ST7: variants seen among roughly 807,000 people sequenced by gnomAD.
The protein encoded by ST7 is suppressor of tumorigenicity 7 protein.
A neutral mutation model predicts 78.7 loss-of-function variants in ST7; 28 were observed. The ratio of observed to expected loss-of-function variants is 0.36; its 90% CI spans 0.26 to 0.49. The LOEUF is 0.49. Ranked by LOEUF, ST7 falls within the 20% of genes least tolerant of loss-of-function variation. The pLI is 0.99. For synonymous variants in ST7, 247 were observed against 249.6 expected (o/e 0.99, Z 0.10); for missense variants, 418 against 696.0 (o/e 0.60, Z 4.49).
intron 1 of ST7, among the ~76,000 whole-genome samples, chr7:117,074,449 C>G (rs961477280): frequency 6.6e-6 from 1 of 152,088 alleles, no homozygotes; most frequent in Non-Finnish European, 1.5e-5. Flanking sequence ...TTTTCCCCCT[C>G]ATAGAGAGTG....
At chr7:117,194,575 G>T (rs943824766) in intron 12 of ST7, among the ~76,000 whole-genome samples, 3 of 152,184 alleles carry the variant, frequency 2.0e-5, no homozygotes, top group Admixed American at 6.6e-5. Flanking sequence ...GAGAACAAAA[G>T]AAGACAAAGA....
intron 1 of ST7, among the ~76,000 whole-genome samples, chr7:116,974,329 C>T (rs1268836330): frequency 6.6e-6 from 1 of 151,670 alleles, no homozygotes; most frequent in Admixed American, 6.6e-5. Flanking sequence ...ACTGTGTCGC[C>T]CAGGCTGGAG....
At chr7:117,093,359 T>C (rs1800775358) in intron 1 of ST7, among the ~76,000 whole-genome samples, 1 of 152,184 alleles carries the variant, frequency 6.6e-6, no homozygotes, top group African/African-American at 2.4e-5. Flanking sequence ...TGTTAACATT[T>C]ACACATTCAG....
At chr7:117,105,039 T>A (rs1354775672) in intron 2 of ST7, among the ~76,000 whole-genome samples, 2 of 152,164 alleles carry the variant, frequency 1.3e-5, no homozygotes, top group African/African-American at 4.8e-5. Flanking sequence ...TTGAGGGTAA[T>A]ACATGATTAC....
At chr7:117,031,734 A>G (rs13235850) in intron 1 of ST7, among the ~76,000 whole-genome samples, 44 of 172 alleles carry the variant, frequency 0.26, 21 homozygotes, top group African/African-American at 0.31. Context: ...ATATATATGC[A>G]TATATGTGTA....
chr7:117,051,515 G>A (rs889457617), intron 1 of ST7, among the ~76,000 whole-genome samples: 3 of 152,332 alleles, frequency 2.0e-5, no homozygotes, highest in Admixed American at 6.5e-5. Context: ...CATATCCATG[G>A]TGTGGAATCT....
At chr7:117,198,523 G>T (rs1473423938) in intron 12 of ST7, 3 of 296,070 alleles carry the variant, frequency 1.0e-5, no homozygotes, top group Non-Finnish European at 2.0e-5. Flanking sequence ...CAGGGATTCT[G>T]CAGCTTGTAG....
chr7:116,953,571 C>T lies in ST7; in HGVS notation c.31C>T (p.Gln11Ter). 2.8e-6 allele frequency: 4 copies of T among 1,454,416 alleles called. No homozygotes were observed. Among genetic ancestry groups the T allele is most frequent in the South Asian group, 1.3e-5 (1 of 76,774 alleles). 90.1% of individuals were successfully genotyped at this position (1,454,416 alleles called of 1,614,324 possible). A position where few individuals can be genotyped will look rare whatever the true frequency, so the allele number is the denominator to read the frequency against. Residue 11 changes from glutamine (Q) to a stop codon, truncating the protein, a stop_gained, in exon 1 of 16, where the codon CAG (glutamine) becomes TAG (stop). Coordinates refer to ENST00000323984, the MANE Select transcript of ST7 (RefSeq NM_001369598.1). LOFTEE classifies it high-confidence loss of function. ...TGAAGCGGCCACGGGCTTTCTGGAGCAGCTCAAGTCCTGCATAGTTTGGTC... is the reference window on the plus strand; with the variant it reads ...TGAAGCGGCCACGGGCTTTCTGGAGTAGCTCAAGTCCTGCATAGTTTGGTC... MAEAATGFLE[Q>*]LKSCIVWSWT...
At chr7:116,956,053 G>A (rs1792460311) in intron 1 of ST7, among the ~76,000 whole-genome samples, 1 of 152,164 alleles carries the variant, frequency 6.6e-6, no homozygotes, top group Admixed American at 6.5e-5. Context: ...TCTGGGGTGG[G>A]AGGAGGACTT....
chr7:116,955,515 C>T (rs1352022587), intron 1 of ST7, among the ~76,000 whole-genome samples: 4 of 152,224 alleles, frequency 2.6e-5, no homozygotes, highest in Admixed American at 2.6e-4. Context: ...GCAGAGCCTT[C>T]ATGACCTAAT....
intron 1 of ST7, among the ~76,000 whole-genome samples, chr7:117,043,295 C>T (rs1036464152): frequency 6.6e-6 from 1 of 152,068 alleles, no homozygotes; most frequent in Non-Finnish European, 1.5e-5. Flanking sequence ...ATTATTTTTG[C>T]TTATAGTCTT....
intron 1 of ST7, among the ~76,000 whole-genome samples, chr7:117,013,082 A>G (rs1212220816): frequency 6.6e-6 from 1 of 152,260 alleles, no homozygotes; most frequent in Non-Finnish European, 1.5e-5. Flanking sequence ...AGATAATTAG[A>G]TAAGTGCTTT....
intron 1 of ST7, among the ~76,000 whole-genome samples, chr7:116,955,783 T>C (rs891661076): frequency 1.3e-5 from 2 of 152,240 alleles, no homozygotes; most frequent in Non-Finnish European, 2.9e-5. Flanking sequence ...AAGGGCATTG[T>C]TAGGTCTTCT....
intron 2 of ST7, among the ~76,000 whole-genome samples, chr7:117,105,345 C>T (rs1403221549): frequency 6.6e-6 from 1 of 152,232 alleles, no homozygotes; most frequent in Non-Finnish European, 1.5e-5. Flanking sequence ...GTACTGCACA[C>T]TGCACAGCTT....
At chr7:117,018,078 A>G (rs1413465436) in intron 1 of ST7, among the ~76,000 whole-genome samples, 1 of 152,208 alleles carries the variant, frequency 6.6e-6, no homozygotes, top group Non-Finnish European at 1.5e-5. Context: ...CCTCTCATGT[A>G]TGAGCCAACA....
At chr7:117,196,025 G>A (rs1219028744) in intron 12 of ST7, among the ~76,000 whole-genome samples, 5 of 152,014 alleles carry the variant, frequency 3.3e-5, no homozygotes, top group South Asian at 2.1e-4. Flanking sequence ...TTGTCTTTCC[G>A]TGACTGGCTT....
chr7:116,955,255 A>G (rs575899000), intron 1 of ST7: 1 of 378,056 alleles, frequency 2.6e-6, no homozygotes, highest in Non-Finnish European at 5.3e-6. Context: ...TAACAGTGTT[A>G]GTCTGTTTTG....
chr7:117,059,600 G>A (rs73210192), intron 1 of ST7, among the ~76,000 whole-genome samples: 1,880 of 151,980 alleles, frequency 0.012, 8 homozygotes, highest in South Asian at 0.025. Context: ...CTGGAGTTGA[G>A]AATTATGTCA....
At chr7:117,087,953 G>C (rs1394911755) in intron 1 of ST7, among the ~76,000 whole-genome samples, 1 of 152,140 alleles carries the variant, frequency 6.6e-6, no homozygotes, top group Non-Finnish European at 1.5e-5. Flanking sequence ...TCACATCTCT[G>C]GTTATGAATG....
Sources: gnomAD v4.1 joint callset for allele counts (sites outside exome capture counted in the v4.1 genomes callset) on GRCh38, gnomAD v4.1.1 for gene constraint, MANE v1.5 for transcripts, NCBI Gene and HGNC (gene_info 2026-07-23, HGNC 2026-07-21) for gene names.